MROH1: variants seen among roughly 807,000 people sequenced by gnomAD.
MROH1 encodes maestro heat like repeat family member 1.
Under a neutral mutation model 116.5 loss-of-function variants are expected in MROH1, and 117 were observed. The ratio of observed to expected loss-of-function variants is 1.00; its 90% CI spans 0.86 to 1.17. The LOEUF (loss-of-function observed/expected upper bound fraction) is 1.17. Ranked by LOEUF, MROH1 falls within the 50% of genes most tolerant of loss-of-function variation. The pLI is 0.00. For synonymous variants in MROH1, 921 were observed against 583.9 expected, an observed-to-expected ratio of 1.58 and a Z score of -8.32; for missense variants, 1,873 against 1,338.5, an observed-to-expected ratio of 1.40 and a Z score of -6.23.
chr8:144,155,971 G>A (rs1193459771), intron 1 of MROH1, among the ~76,000 whole-genome samples: 2 of 150,336 alleles, frequency 1.3e-5, no homozygotes, highest in Non-Finnish European at 3.0e-5. Context: ...GGGCGCGGTG[G>A]CTCACGCCTG....
Position 144,254,932 on chromosome 8 carries a change from T to G in MROH1, c.3548T>G (p.Leu1183Arg). Residue 1183 changes from leucine (L) to arginine (R), a missense_variant, in exon 34 of 44, where the codon CTG becomes CGG. Physicochemically the swap from Leu to Arg is moderately radical, Grantham distance 102. Transcript: ENST00000326134. The part of the protein sequence containing the change: ...DVPFKESRAF[L>R]LGRTPDRVAT... Reference sequence around the variant, plus strand: ...CCTTTCAAGGAGAGCCGGGCCTTCCTGCTGGGCCGCACCCCAGACCGCGTG... The same window carrying G: ...CCTTTCAAGGAGAGCCGGGCCTTCCGGCTGGGCCGCACCCCAGACCGCGTG... 6.4e-6 allele frequency: 5 copies of G among 775,964 alleles called. No homozygotes were observed. Among genetic ancestry groups the G allele is most frequent in the Non-Finnish European group, 1.2e-5 (5 of 416,884 alleles). The allele number at this position is 775,964 out of a possible 1,614,324, so 48.1% of individuals were successfully genotyped here. A position where few individuals can be genotyped will look rare whatever the true frequency, so the allele number is the denominator to read the frequency against.
In MROH1 at chr8:144,232,635, A is replaced by C. The variant is rs541222098; in HGVS notation, c.1339-6121A>C. Reference sequence around the variant, plus strand: ...CAGCCTCCTGAGTAGCTGGGACTACATGCGCACACCGCCACGCTTGGCTAA... The same window carrying C: ...CAGCCTCCTGAGTAGCTGGGACTACCTGCGCACACCGCCACGCTTGGCTAA... On this transcript the variant is annotated intron_variant, in intron 14 of 43. Coordinates refer to ENST00000326134, the MANE Select transcript of MROH1 (RefSeq NM_032450.3). 3.3e-5 allele frequency among the ~76,000 whole-genome samples: 5 copies of C among 151,888 alleles called. No individual in the cohort carries two copies. The East Asian group carries it at 9.7e-4, about 29-fold the overall frequency.
At chr8:144,224,011 C>A (rs559626910) in intron 14 of MROH1, among the ~76,000 whole-genome samples, 2 of 152,222 alleles carry the variant, frequency 1.3e-5, no homozygotes, top group Non-Finnish European at 2.9e-5. Context: ...CGCACACATG[C>A]CTGTTCTGCA....
chr8:144,215,591 G>A (rs1054131839), intron 12 of MROH1, among the ~76,000 whole-genome samples: 11 of 152,220 alleles, frequency 7.2e-5, no homozygotes, highest in African/African-American at 2.7e-4. Context: ...TGAAACACAG[G>A]CCGGGCATGG....
chr8:144,233,611 G>C, intron 14 of MROH1, among the ~76,000 whole-genome samples: 1 of 152,082 alleles, frequency 6.6e-6, no homozygotes, highest in East Asian at 1.9e-4. Flanking sequence ...TTGTCCTTTT[G>C]TGTCTGGCTT....
At chr8:144,230,530 A>G (rs1838655893) in intron 14 of MROH1, among the ~76,000 whole-genome samples, 1 of 149,470 alleles carries the variant, frequency 6.7e-6, no homozygotes, top group South Asian at 2.1e-4. Context: ...ATCTTTTAAT[A>G]TGCTGTTGAA....
intron 26 of MROH1, 133 bp downstream of exon 26, chr8:144,244,075 G>A: frequency 4.3e-6 from 3 of 705,180 alleles, no homozygotes; most frequent in East Asian, 2.7e-5. Flanking sequence ...CACGCCTTGT[G>A]TGTGCGCATG....
At chr8:144,247,717 G>A in intron 31 of MROH1, 38 bp downstream of exon 31, 1 of 724,302 alleles carries the variant, frequency 1.4e-6, no homozygotes, top group Non-Finnish European at 2.5e-6. Flanking sequence ...AGGCAGGCTG[G>A]CACTGTCTGG....
chr8:144,240,505 C>T (rs1363230511), intron 19 of MROH1, 65 bp from the exon 20 acceptor site: 4 of 709,922 alleles, frequency 5.6e-6, no homozygotes, highest in Non-Finnish European at 1.0e-5. Flanking sequence ...GGGGATGTGC[C>T]CAGGCTCCAG....
chr8:144,240,798 T>G lies in MROH1; in HGVS notation c.1935+121T>G. ...CCCTGGTGGCCTGGCAGAGCCTCCT[T>G]GTGGTGGCTGAGGGCCAGGAGTGCG... is the stretch of plus-strand genomic sequence containing the variant. On this transcript the variant is annotated intron_variant, in intron 20 of 43. Transcript: ENST00000326134. 5.8e-6 allele frequency: 4 copies of G among 684,652 alleles called. No homozygotes were observed. The East Asian group carries it at 1.1e-4, about 18-fold the overall frequency. The allele number at this position is 684,652 out of a possible 1,614,324, so 42.4% of individuals were successfully genotyped here. A position where few individuals can be genotyped will look rare whatever the true frequency, so the allele number is the denominator to read the frequency against.
At chr8:144,149,173 G>A (rs1403011394) in intron 1 of MROH1, among the ~76,000 whole-genome samples, 1 of 152,172 alleles carries the variant, frequency 6.6e-6, no homozygotes, top group Non-Finnish European at 1.5e-5. Context: ...TTTGCGGCAT[G>A]TTTCATAGGT....
chr8:144,189,192 C>G (rs1827941554), intron 7 of MROH1, among the ~76,000 whole-genome samples: 1 of 152,220 alleles, frequency 6.6e-6, no homozygotes, highest in Admixed American at 6.5e-5. Flanking sequence ...AAGATTGGGG[C>G]AGCTGAGGTG....
intron 10 of MROH1, 44 bp downstream of exon 10, chr8:144,192,445 C>A (rs866794169): frequency 1.3e-6 from 2 of 1,504,116 alleles, no homozygotes; most frequent in Admixed American, 1.9e-5. Flanking sequence ...TCTGCACACC[C>A]TTCCGTGGGA....
chr8:144,221,231 T>A (rs1371121598), intron 13 of MROH1, among the ~76,000 whole-genome samples: 2 of 152,214 alleles, frequency 1.3e-5, no homozygotes, highest in African/African-American at 4.8e-5. Context: ...CCAGCCCCTC[T>A]GGAGGTGGAG....
In MROH1 at chr8:144,240,129, G is replaced by A. The variant is rs1840719188; in HGVS notation, c.1803G>A (p.Glu601=). The A allele has an allele frequency of 1.3e-6, 1 of 778,836 alleles. No homozygotes were observed. The highest frequency in any genetic ancestry group is 2.4e-6 in the Non-Finnish European group (1 of 417,188). 48.2% of individuals were successfully genotyped at this position (778,836 alleles called of 1,614,324 possible). A position where few individuals can be genotyped will look rare whatever the true frequency, so the allele number is the denominator to read the frequency against. Residue 601 remains glutamate (E), a synonymous_variant, in exon 19 of 44, where the codon GAG becomes GAA. Transcript: ENST00000326134. The part of the protein sequence containing the change: ...DEHTEETLPQ[E]EWEEKLLMFL... Reference sequence around the variant, plus strand: ...ACACAGAAGAGACCCTGCCACAGGAGGAGTGGGAGGAGAAGCTGTTGATGG... The same window carrying A: ...ACACAGAAGAGACCCTGCCACAGGAAGAGTGGGAGGAGAAGCTGTTGATGG...
In MROH1 at chr8:144,192,472, G is replaced by T. The variant is rs532843566; in HGVS notation, c.948+71G>T. Reference sequence around the variant, plus strand: ...TCCGTGGGAAGTTGCTGGACAAGGGGTGCAGAAAGCAAGTTGGGGTGGATG... The same window carrying T: ...TCCGTGGGAAGTTGCTGGACAAGGGTTGCAGAAAGCAAGTTGGGGTGGATG... On this transcript the variant is annotated intron_variant, in intron 10 of 43. Transcript: ENST00000326134. The T allele has an allele frequency of 4.5e-5, 63 of 1,387,092 alleles. No homozygotes were observed. The African/African-American group carries it at 8.7e-4, about 19-fold the overall frequency. The allele number at this position is 1,387,092 out of a possible 1,614,324, so 85.9% of individuals were successfully genotyped here.
intron 12 of MROH1, among the ~76,000 whole-genome samples, chr8:144,203,930 C>CATAAT (rs1832257785): frequency 2.0e-5 from 3 of 152,154 alleles, no homozygotes; most frequent in African/African-American, 7.2e-5. Flanking sequence ...TGCTTTTCAG[C>CATAAT]GTTCACTTTG....
chr8:144,166,417 C>A (rs961897636), intron 3 of MROH1, among the ~76,000 whole-genome samples: 4 of 152,212 alleles, frequency 2.6e-5, no homozygotes, highest in Non-Finnish European at 1.5e-5. Flanking sequence ...CCTGAGCACG[C>A]AGGCCCCGGT....
In MROH1 at chr8:144,261,905, C is replaced by A; in HGVS notation, c.*165C>A. 2 of 660,974 alleles carry A rather than the reference C, an allele frequency of 3.0e-6. 1 individual carries two copies. Among genetic ancestry groups the A allele is most frequent in the East Asian group, 5.4e-5 (2 of 36,988 alleles). The allele number at this position is 660,974 out of a possible 1,614,324, so 40.9% of individuals were successfully genotyped here. A position where few individuals can be genotyped will look rare whatever the true frequency, so the allele number is the denominator to read the frequency against. ...CCAAGCCCTTCAGTGAGGGATGTGC[C>A]CAATAAACTCATCTGCTCCCAGCGA... is the stretch of plus-strand genomic sequence containing the variant. On this transcript the variant is annotated 3_prime_UTR_variant, in exon 44 of 44. Transcript: ENST00000326134.
Sources: allele counts gnomAD v4.1 joint callset (sites outside exome capture counted in the v4.1 genomes callset), GRCh38; gene constraint gnomAD v4.1.1; transcripts MANE v1.5; gene names NCBI Gene and HGNC (gene_info 2026-07-23, HGNC 2026-07-21).